The following LYG1 variants were observed in gnomAD, a reference collection of about 807,000 sequenced individuals.
The protein encoded by LYG1 is lysozyme g1.
A neutral mutation model predicts 21.7 loss-of-function variants in LYG1; 17 were observed. The ratio of observed to expected loss-of-function variants is 0.78; its 90% CI spans 0.54 to 1.18. The LOEUF is 1.18. LYG1 is among the 50% of genes most tolerant of loss of function. The probability of loss-of-function intolerance (pLI) is 0.00; values close to 1 mark genes in which losing one functional copy is unlikely to be tolerated. For synonymous variants in LYG1, 81 were observed against 87.4 expected (o/e 0.93, Z 0.41); for missense variants, 211 against 238.1 (o/e 0.89, Z 0.75).
chr2:99,296,900 C>G (rs530776121), intron 2 of LYG1, among the ~76,000 whole-genome samples: 2 of 152,130 alleles, frequency 1.3e-5, no homozygotes, highest in Non-Finnish European at 2.9e-5. Context: ...CACCTGTAGT[C>G]CTAGCTACTT....
rs2094123058 is a variant in LYG1 at position 99,292,593 on chromosome 2, G to A, written c.91C>T (p.Leu31=). 2 of 1,614,180 alleles carry A rather than the reference G, an allele frequency of 1.2e-6. No homozygotes were observed. Among genetic ancestry groups the A allele is most frequent in the East Asian group, 4.5e-5 (2 of 44,886 alleles). The change falls in exon 4 of 7, where the codon CTG becomes TTG. Residue 31 remains leucine (L), a synonymous_variant. Coordinates refer to ENST00000308528, the MANE Select transcript of LYG1 (RefSeq NM_174898.3). Reference sequence around the variant, plus strand: ...CCACAAGATGCTCCAGGGGTGTCCAGGCTTTGGATGTTTCCATAGCATCCC... The same window carrying A: ...CCACAAGATGCTCCAGGGGTGTCCAAGCTTTGGATGTTTCCATAGCATCCC... ...NWGCYGNIQS[L]DTPGASCGIG... is the part of the protein sequence containing the mutation.
At chr2:99,301,425 G>C (rs1469540562), upstream of LYG1, among the ~76,000 whole-genome samples, 1 of 147,340 alleles carries the variant, frequency 6.8e-6, no homozygotes, top group Admixed American at 7.0e-5. Flanking sequence ...GAGTGAGAAG[G>C]AGAGAGAGAG....
intron 1 of LYG1, among the ~76,000 whole-genome samples, chr2:99,299,270 CTTTTTCTTTTTTTCTTTTTT>C (rs2094146815): frequency 6.8e-6 from 1 of 147,644 alleles, no homozygotes; most frequent in Non-Finnish European, 1.5e-5. Flanking sequence ...TTTTCTTTTT[CTTTTTCTTTTTTTCTTTTTT>C]TTTTTTTTTT....
chr2:99,290,080 A>C (rs2094114091), intron 5 of LYG1, among the ~76,000 whole-genome samples: 1 of 151,818 alleles, frequency 6.6e-6, no homozygotes, highest in Non-Finnish European at 1.5e-5. Context: ...CTGGTCTCGC[A>C]CTCCTGACCT....
upstream of LYG1, among the ~76,000 whole-genome samples, chr2:99,302,871 ATCCAGG>A (rs2094158669): frequency 6.6e-6 from 1 of 152,106 alleles, no homozygotes; most frequent in Non-Finnish European, 1.5e-5. Context: ...TACAAAAATT[ATCCAGG>A]CATGGTGGCA....
chr2:99,285,100 GCCT>G (rs2094094854), intron 5 of LYG1, among the ~76,000 whole-genome samples: 1 of 152,188 alleles, frequency 6.6e-6, no homozygotes, highest in African/African-American at 2.4e-5. Flanking sequence ...GGTGGCTTAT[GCCT>G]GTGATCCCAG....
At chr2:99,294,635 A>G (rs1462268546) in intron 3 of LYG1, among the ~76,000 whole-genome samples, 1 of 152,126 alleles carries the variant, frequency 6.6e-6, no homozygotes, top group African/African-American at 2.4e-5. Flanking sequence ...GCCACACTCT[A>G]TGATCCTCAA....
intron 1 of LYG1, among the ~76,000 whole-genome samples, chr2:99,300,343 G>A (rs978745503): frequency 4.6e-5 from 7 of 152,034 alleles, no homozygotes; most frequent in East Asian, 1.9e-4. Context: ...CTCTCAGTGC[G>A]TCCTCTGTGC....
chr2:99,294,959 G>A lies in LYG1; in HGVS notation c.43+669C>T, dbSNP rs112315709. Among the ~76,000 whole-genome samples the A allele has an allele frequency of 1.6e-4, 25 of 152,106 alleles. No homozygotes were observed. The South Asian group carries it at 2.5e-3, about 15-fold the overall frequency. ...TCTACTAAAAATACAAAAATTAGCC[G>A]GGTGTAGTGACAGGCGCCTGTAATC... On this transcript the variant is annotated intron_variant, in intron 3 of 6. Transcript: ENST00000308528.
At chr2:99,293,072 A>G (rs1219387191) in intron 3 of LYG1, among the ~76,000 whole-genome samples, 4 of 145,432 alleles carry the variant, frequency 2.8e-5, no homozygotes, top group Non-Finnish European at 5.9e-5. Flanking sequence ...ACTCTCTGCA[A>G]CCTCTGCCTT....
At chr2:99,293,698 C>T (rs2094127609) in intron 3 of LYG1, among the ~76,000 whole-genome samples, 1 of 152,166 alleles carries the variant, frequency 6.6e-6, no homozygotes, top group Admixed American at 6.5e-5. Flanking sequence ...GGAGAATGTT[C>T]TTTCTCTTCA....
chr2:99,288,883 C>T lies in LYG1; in HGVS notation c.333+2354G>A, dbSNP rs549665884. 1.4e-4 allele frequency among the ~76,000 whole-genome samples: 22 copies of T among 152,092 alleles called. No homozygotes were observed. The East Asian group carries it at 3.9e-3, about 27-fold the overall frequency. The stretch of plus-strand genomic sequence containing the variant: ...CACTGTGCCCAGCCTATTTTGTAAC[C>T]GAAACTATGTCTCACCCTAAATAAG... On this transcript the variant is annotated intron_variant, in intron 5 of 6. Coordinates refer to ENST00000308528, the MANE Select transcript of LYG1 (RefSeq NM_174898.3).
chr2:99,292,412 A>G, intron 4 of LYG1, 124 bp downstream of exon 4: 1 of 696,488 alleles, frequency 1.4e-6, no homozygotes, highest in South Asian at 1.8e-5. Flanking sequence ...CAGCTAAGTG[A>G]CTTGTTCAAG....
upstream of LYG1, chr2:99,304,734 C>T (rs543292905): frequency 1.3e-5 from 2 of 152,266 alleles, no homozygotes; most frequent in African/African-American, 4.8e-5. Context: ...GCCTGGGCAA[C>T]ATAGCAACAT....
intron 5 of LYG1, among the ~76,000 whole-genome samples, chr2:99,287,567 T>C (rs770060695): frequency 1.3e-5 from 2 of 152,148 alleles, no homozygotes; most frequent in Non-Finnish European, 2.9e-5. Context: ...ATTAGGTTTG[T>C]GACTGTAAAT....
chr2:99,292,049 G>A (rs1010222068), intron 4 of LYG1, among the ~76,000 whole-genome samples: 8 of 152,128 alleles, frequency 5.3e-5, no homozygotes, highest in African/African-American at 1.9e-4. Context: ...CACTTTGGGA[G>A]GCCAAAGAGG....
chr2:99,289,589 A>C (rs752068395), intron 5 of LYG1, among the ~76,000 whole-genome samples: 4 of 152,192 alleles, frequency 2.6e-5, no homozygotes, highest in Non-Finnish European at 4.4e-5. Context: ...CTGCTGCTTC[A>C]GCTTAAGGGT....
chr2:99,299,738 T>G (rs1221196807), intron 1 of LYG1, among the ~76,000 whole-genome samples: 1 of 151,932 alleles, frequency 6.6e-6, no homozygotes, highest in Non-Finnish European at 1.5e-5. Flanking sequence ...TTTTAATTTT[T>G]TATTATTTTA....
chr2:99,291,630 C>G (rs2094118624), intron 4 of LYG1, among the ~76,000 whole-genome samples: 1 of 152,160 alleles, frequency 6.6e-6, no homozygotes, highest in South Asian at 2.1e-4. Context: ...ATCCCCTGAG[C>G]CAGGGTCCCC....
Sources: allele counts gnomAD v4.1 joint callset (sites outside exome capture counted in the v4.1 genomes callset), GRCh38; gene constraint gnomAD v4.1.1; transcripts MANE v1.5; gene names NCBI Gene and HGNC (gene_info 2026-07-23, HGNC 2026-07-21).